FOXK2: variants seen among roughly 807,000 people sequenced by gnomAD.
The protein encoded by FOXK2 is forkhead box K2.
Under a neutral mutation model 53.3 loss-of-function variants are expected in FOXK2, and 24 were observed. The ratio of observed to expected loss-of-function variants is 0.45; its 90% CI spans 0.33 to 0.63. The LOEUF (loss-of-function observed/expected upper bound fraction) is 0.63, where lower values mean the gene tolerates loss of function less well. Among genes scored for constraint, FOXK2 ranks in the 30% least tolerant of loss-of-function variants. FOXK2 has a pLI of 0.03. For missense variants in FOXK2, 952 were observed against 910.5 expected (o/e 1.05, Z -0.59); for synonymous variants, 505 against 407.1 (o/e 1.24, Z -2.89).
intron 1 of FOXK2, among the ~76,000 whole-genome samples, chr17:82,526,476 T>G (rs34604602): frequency 5.4e-4 from 82 of 151,502 alleles, no homozygotes; most frequent in Non-Finnish European, 1.0e-3. Flanking sequence ...GAGTTGAGAT[T>G]AGGGTTAGGA....
At chr17:82,576,667 T>C in intron 4 of FOXK2, 1 of 1,161,280 alleles carries the variant, frequency 8.6e-7, no homozygotes, top group Non-Finnish European at 1.3e-6. Flanking sequence ...CACAACGAAG[T>C]CACCACTAAG....
chr17:82,559,145 C>T (rs1483604312), intron 1 of FOXK2, among the ~76,000 whole-genome samples: 3 of 152,152 alleles, frequency 2.0e-5, no homozygotes, highest in Non-Finnish European at 4.4e-5. Flanking sequence ...CCTCCTGCCT[C>T]GGCCTCCCAA....
At chr17:82,568,278 C>T in intron 3 of FOXK2, 77 bp downstream of exon 3, 4 of 1,541,082 alleles carry the variant, frequency 2.6e-6, no homozygotes, top group South Asian at 2.3e-5. Flanking sequence ...ACCTGCCTGT[C>T]ACTCACCTGC....
At position 82,584,296 on chromosome 17, in the gene FOXK2, G is replaced by T. The variant is rs541607777; in HGVS notation, c.1279+108G>T. 2.6e-5 allele frequency: 31 copies of T among 1,208,420 alleles called. No homozygotes were observed. The South Asian group carries it at 3.6e-4, about 14-fold the overall frequency. 74.9% of individuals were successfully genotyped at this position (1,208,420 alleles called of 1,614,324 possible). ...GGACTGGAGGCCTGCCTGTCCCTCT[G>T]TACCTTATACTAGTACCTGATTTTA... On this transcript the variant is annotated intron_variant, in intron 6 of 8. Coordinates refer to ENST00000335255, the MANE Select transcript of FOXK2 (RefSeq NM_004514.4).
intron 1 of FOXK2, among the ~76,000 whole-genome samples, chr17:82,548,600 G>A (rs1050739880): frequency 2.0e-5 from 3 of 152,108 alleles, no homozygotes; most frequent in African/African-American, 4.8e-5. Context: ...TGTTGATACT[G>A]TATTTCATAT....
At chr17:82,544,304 C>T (rs945100715) in intron 1 of FOXK2, among the ~76,000 whole-genome samples, 2 of 152,202 alleles carry the variant, frequency 1.3e-5, no homozygotes, top group African/African-American at 4.8e-5. Context: ...ACTTATTGAT[C>T]ATCTTCTCTG....
chr17:82,573,536 A>ACTCTCT (rs373747209), intron 4 of FOXK2, among the ~76,000 whole-genome samples: 141 of 138,912 alleles, frequency 1.0e-3, no homozygotes, highest in Non-Finnish European at 1.9e-3. Flanking sequence ...ACACACACAC[A>ACTCTCT]CTCTCTCTCT....
Position 82,561,781 on chromosome 17 carries a change from C to T in FOXK2, c.420-1573C>T, listed in dbSNP as rs552108936. Among the ~76,000 whole-genome samples the T allele has an allele frequency of 9.9e-5, 15 of 152,240 alleles. No homozygotes were observed. The South Asian group carries it at 1.4e-3, about 15-fold the overall frequency. Reference sequence around the variant, plus strand: ...AGCGGGAGGGCCATGGCGTAGCTTCCGACCTCCACAGGCTGGACCCTTCTT... The same window carrying T: ...AGCGGGAGGGCCATGGCGTAGCTTCTGACCTCCACAGGCTGGACCCTTCTT... On this transcript the variant is annotated intron_variant, in intron 1 of 8. Transcript: ENST00000335255.
At chr17:82,567,550 C>T (rs547902356) in intron 2 of FOXK2, among the ~76,000 whole-genome samples, 3 of 152,354 alleles carry the variant, frequency 2.0e-5, no homozygotes, top group Admixed American at 1.3e-4. Flanking sequence ...TCCATGTCCA[C>T]GGCTTCATCT....
chr17:82,599,778 G>A (rs76542373), intron 8 of FOXK2: 10,115 of 152,390 alleles, frequency 0.066, 393 homozygotes, highest in Middle Eastern at 0.14. Flanking sequence ...GTCCCTGCAG[G>A]GGACTGCGAG....
At chr17:82,586,784 C>T (rs1408338850) in intron 7 of FOXK2, among the ~76,000 whole-genome samples, 3 of 152,134 alleles carry the variant, frequency 2.0e-5, no homozygotes, top group African/African-American at 7.2e-5. Flanking sequence ...GCCTGTAATC[C>T]CAGCTACTCG....
At chr17:82,581,741 C>T (rs546332017) in intron 4 of FOXK2, among the ~76,000 whole-genome samples, 28 of 152,270 alleles carry the variant, frequency 1.8e-4, no homozygotes, top group African/African-American at 6.5e-4. Context: ...TCCCAAAGTG[C>T]TGGGATTACA....
intron 8 of FOXK2, chr17:82,595,786 C>T (rs750586917): frequency 1.2e-5 from 16 of 1,289,614 alleles, no homozygotes; most frequent in Admixed American, 4.6e-5. Context: ...CCCCAGGGCC[C>T]CTTGGCCTCA....
chr17:82,569,990 A>G (rs994030501), intron 3 of FOXK2, among the ~76,000 whole-genome samples: 3 of 152,140 alleles, frequency 2.0e-5, no homozygotes, highest in African/African-American at 7.2e-5. Flanking sequence ...TGGGAGGCCA[A>G]GGTGGGCGGA....
At chr17:82,536,696 G>A in intron 1 of FOXK2, among the ~76,000 whole-genome samples, 1 of 152,198 alleles carries the variant, frequency 6.6e-6, no homozygotes, top group Non-Finnish European at 1.5e-5. Flanking sequence ...AGGCCGAGGA[G>A]GTCTTCGCAG....
intron 8 of FOXK2, chr17:82,596,100 A>AGGCCACACCTGT: frequency 1.9e-6 from 2 of 1,039,946 alleles, no homozygotes; most frequent in Non-Finnish European, 2.3e-6. Flanking sequence ...GAGTCGGTTG[A>AGGCCACACCTGT]GGCCACACCT....
At chr17:82,601,058 TTGC>T in intron 8 of FOXK2, 1 of 475,596 alleles carries the variant, frequency 2.1e-6, no homozygotes. Flanking sequence ...GGCAGTTCAC[TTGC>T]TGCAGTTTTT....
rs186515161 is a variant in FOXK2 at position 82,579,072 on chromosome 17, T to G, written c.910-3669T>G. On this transcript the variant is annotated intron_variant, in intron 4 of 8. Transcript: ENST00000335255. Reference sequence around the variant, plus strand: ...GGGGTAGCTCTTTCTGAGTCCCCGCTTAGGAGGACTGGTCCTGGTAGAACA... The same window carrying G: ...GGGGTAGCTCTTTCTGAGTCCCCGCGTAGGAGGACTGGTCCTGGTAGAACA... Among the ~76,000 whole-genome samples, 422 of 150,516 alleles carry G rather than the reference T, an allele frequency of 2.8e-3. 2 individuals carry two copies. Among genetic ancestry groups the G allele is most frequent in the African/African-American group, 9.5e-3 (395 of 41,426 alleles).
intron 8 of FOXK2, among the ~76,000 whole-genome samples, chr17:82,592,390 CTG>C (rs2045261311): frequency 6.6e-6 from 1 of 152,236 alleles, no homozygotes; most frequent in Non-Finnish European, 1.5e-5. Flanking sequence ...TGTTTTCTTT[CTG>C]TCACCTTCTT....
Sources: gnomAD v4.1 joint callset for allele counts (sites outside exome capture counted in the v4.1 genomes callset) on GRCh38, gnomAD v4.1.1 for gene constraint, MANE v1.5 for transcripts, NCBI Gene and HGNC (gene_info 2026-07-23, HGNC 2026-07-21) for gene names.